The following CCDC146 variants were observed in gnomAD, a reference collection of about 807,000 sequenced individuals.
CCDC146 encodes the protein coiled-coil domain containing 146, also known as coiled-coil domain-containing protein 146.
In CCDC146, 92 loss-of-function variants were observed where a neutral mutation model predicts 119.3. The ratio of observed to expected loss-of-function variants is 0.77; its 90% CI spans 0.65 to 0.92. The LOEUF is 0.92. Among genes scored for constraint, CCDC146 ranks in the 40% least tolerant of loss-of-function variants. CCDC146 has a pLI of 0.00. For synonymous variants in CCDC146, 372 were observed against 371.8 expected (o/e 1.00, Z -0.01); for missense variants, 1,000 against 1,103.0 (o/e 0.91, Z 1.32).
chr7:77,170,829 T>C (rs974958219), intron 2 of CCDC146, among the ~76,000 whole-genome samples: 9 of 152,176 alleles, frequency 5.9e-5, no homozygotes, highest in African/African-American at 2.2e-4. Flanking sequence ...TCAGCATCAC[T>C]AATTATCAGA....
chr7:77,274,576 T>A lies in CCDC146; in HGVS notation c.1364T>A (p.Val455Glu). ...LKEQENMKELVVNLLRMTQIK... is the reference protein window; with the variant it reads ...LKEQENMKELEVNLLRMTQIK... ...GAGCAAGAAAACATGAAAGAGCTAG[T>A]AGTCAACCTTCTCCGCATGACTCAA... Residue 455 changes from valine (V) to glutamate (E), a missense_variant, in exon 11 of 19, where the codon GTA becomes GAA. Around this residue, in one of 2 missense-constraint regions of CCDC146, gnomAD observed 985 missense variants for 1,045.3 expected, o/e 0.94. Coordinates refer to ENST00000285871, the MANE Select transcript of CCDC146 (RefSeq NM_020879.3). 6.2e-7 allele frequency: 1 copy of A among 1,613,324 alleles called. No individual in the cohort carries two copies. Among genetic ancestry groups the A allele is most frequent in the Non-Finnish European group, 8.5e-7 (1 of 1,179,448 alleles).
intron 1 of CCDC146, among the ~76,000 whole-genome samples, chr7:77,151,115 A>G (rs1449992928): frequency 1.3e-5 from 2 of 152,184 alleles, no homozygotes; most frequent in Non-Finnish European, 2.9e-5. Flanking sequence ...CAGGTCGCAG[A>G]CTGCCAACTT....
chr7:77,286,984 A>G lies in CCDC146; in HGVS notation c.2277+58A>G, dbSNP rs1300472867. 5 of 1,554,408 alleles carry G rather than the reference A, an allele frequency of 3.2e-6. No individual in the cohort carries two copies. In the African/African-American group the frequency reaches 4.1e-5, roughly 13 times the overall value. The stretch of plus-strand genomic sequence containing the variant: ...GCTCCTCGTTGATGTAGTTTCACAG[A>G]TACCTATGGTACTGTTTCATGTTAT... On this transcript the variant is annotated intron_variant, in intron 16 of 18. Transcript: ENST00000285871.
At chr7:77,291,643 GGTTGCAGTGAGCTGAGAT>G (rs1312997481) in intron 17 of CCDC146, among the ~76,000 whole-genome samples, 1 of 152,178 alleles carries the variant, frequency 6.6e-6, no homozygotes, top group African/African-American at 2.4e-5. Flanking sequence ...CAGGGGCAGA[GGTTGCAGTGAGCTGAGAT>G]CACACCACTG....
intron 1 of CCDC146, among the ~76,000 whole-genome samples, chr7:77,125,050 T>A (rs1206012998): frequency 2.0e-5 from 3 of 151,866 alleles, no homozygotes; most frequent in Non-Finnish European, 4.4e-5. Flanking sequence ...AAAAATTAGC[T>A]TGGCGTAGTG....
Position 77,279,100 on chromosome 7 carries a change from AG to A in CCDC146, c.1694+1del. On this transcript the variant is annotated frameshift_variant and splice_region_variant, in exon 13 of 19. Coordinates refer to ENST00000285871, the MANE Select transcript of CCDC146 (RefSeq NM_020879.3). LOFTEE classifies it high-confidence loss of function. ...GAGAAATAGTGCCGTTAGTCAAGAA[AG>A]GTAAGTGTTATAATAACTATTGGCC... Reference protein sequence around the residue: ...ILRNSAVSQERKLQNSMLKHA... With the variant: ...ILRNSAVSQEXKLQNSMLKHA... 6.2e-7 allele frequency: 1 copy of A among 1,610,186 alleles called. No individual in the cohort carries two copies. Among genetic ancestry groups the A allele is most frequent in the Non-Finnish European group, 8.5e-7 (1 of 1,178,618 alleles).
intron 1 of CCDC146, among the ~76,000 whole-genome samples, chr7:77,126,423 G>C (rs967963432): frequency 3.9e-5 from 6 of 152,014 alleles, no homozygotes; most frequent in Non-Finnish European, 8.8e-5. Flanking sequence ...CAAGTGAAGG[G>C]TGAACGAGAC....
At chr7:77,221,570 C>T (rs1792403750) in intron 2 of CCDC146, among the ~76,000 whole-genome samples, 1 of 152,232 alleles carries the variant, frequency 6.6e-6, no homozygotes, top group South Asian at 2.1e-4. Flanking sequence ...CATGCTGCAC[C>T]CCCACCCTGA....
rs1182389444 is a variant in CCDC146, at chr7:77,216,903, G to A, written c.157-20044G>A. On this transcript the variant is annotated intron_variant, in intron 2 of 18. Coordinates refer to ENST00000285871, the MANE Select transcript of CCDC146 (RefSeq NM_020879.3). ...TTAACTGAATGTTTCCTGTTTTGCAGCCCTAACAACATTTAGCTGACCAAC... is the reference window on the plus strand; with the variant it reads ...TTAACTGAATGTTTCCTGTTTTGCAACCCTAACAACATTTAGCTGACCAAC... Among the ~76,000 whole-genome samples, 4 of 152,076 alleles carry A rather than the reference G, an allele frequency of 2.6e-5. No homozygotes were observed. The East Asian group carries it at 7.7e-4, about 29-fold the overall frequency.
intron 1 of CCDC146, among the ~76,000 whole-genome samples, chr7:77,130,595 TTC>T (rs1447993914): frequency 1.4e-5 from 2 of 138,064 alleles, no homozygotes; most frequent in Non-Finnish European, 3.1e-5. Flanking sequence ...TATCCTTTCT[TTC>T]TTTTTTTTTT....
intron 2 of CCDC146, among the ~76,000 whole-genome samples, chr7:77,175,871 C>T (rs1791491938): frequency 6.6e-6 from 1 of 150,974 alleles, no homozygotes; most frequent in African/African-American, 2.5e-5. Flanking sequence ...GGACATAAAG[C>T]ATAAAAAGGT....
At chr7:77,130,597 C>CTTTTTTTT (rs34309739) in intron 1 of CCDC146, among the ~76,000 whole-genome samples, 1 of 125,756 alleles carries the variant, frequency 8.0e-6, no homozygotes, top group Non-Finnish European at 1.6e-5. Flanking sequence ...TCCTTTCTTT[C>CTTTTTTTT]TTTTTTTTTT....
chr7:77,199,303 A>T (rs753313388), intron 2 of CCDC146: 9 of 1,614,156 alleles, frequency 5.6e-6, no homozygotes, highest in Non-Finnish European at 5.9e-6. Flanking sequence ...GTTCATATTT[A>T]CAAGATTCAG....
intron 1 of CCDC146, among the ~76,000 whole-genome samples, chr7:77,153,521 T>C (rs1791136760): frequency 6.7e-6 from 1 of 148,390 alleles, no homozygotes; most frequent in Non-Finnish European, 1.5e-5. Flanking sequence ...AATGTACAGA[T>C]GGCAAAGAAG....
intron 9 of CCDC146, among the ~76,000 whole-genome samples, chr7:77,263,477 A>G (rs75803333): frequency 0.093 from 14,163 of 152,192 alleles, 1,213 homozygotes; most frequent in East Asian, 0.42. Flanking sequence ...TGATATTTGG[A>G]GGTCGTTTAT....
At chr7:77,240,518 C>G (rs1409853442) in intron 3 of CCDC146, among the ~76,000 whole-genome samples, 2 of 152,174 alleles carry the variant, frequency 1.3e-5, no homozygotes, top group Non-Finnish European at 2.9e-5. Flanking sequence ...CTCCTGTATA[C>G]TTTAAATCAT....
At chr7:77,184,637 A>G (rs1244633293) in intron 2 of CCDC146, among the ~76,000 whole-genome samples, 2 of 152,200 alleles carry the variant, frequency 1.3e-5, no homozygotes, top group East Asian at 1.9e-4. Context: ...GTGCTTAAGC[A>G]GAATTTGTTC....
chr7:77,197,081 A>G, intron 2 of CCDC146: 1 of 751,896 alleles, frequency 1.3e-6, no homozygotes, highest in Non-Finnish European at 2.2e-6. Context: ...TGATAATTGA[A>G]TCAATGGCAG....
At chr7:77,285,856 C>T (rs1237206633) in intron 15 of CCDC146, among the ~76,000 whole-genome samples, 3 of 152,132 alleles carry the variant, frequency 2.0e-5, no homozygotes, top group Admixed American at 2.0e-4. Flanking sequence ...ACAAATAGCC[C>T]AAGCTGTTCC....
Sources: allele counts gnomAD v4.1 joint callset (sites outside exome capture counted in the v4.1 genomes callset), GRCh38; gene constraint gnomAD v4.1.1; regional missense constraint gnomAD v4.1.1; transcripts MANE v1.5; gene names NCBI Gene and HGNC (gene_info 2026-07-23, HGNC 2026-07-21).